The following DMD variants were observed in gnomAD, a reference collection of about 807,000 sequenced individuals.
The protein encoded by DMD is dystrophin.
DMD carries 63 observed loss-of-function variants against 330.1 expected under a neutral mutation model. The ratio of observed to expected loss-of-function variants is 0.19; its 90% CI spans 0.16 to 0.24. The LOEUF is 0.24. DMD is among the 10% of genes least tolerant of loss of function. The probability of loss-of-function intolerance (pLI) is 1.00; values close to 1 mark genes in which losing one functional copy is unlikely to be tolerated. For synonymous variants in DMD, 1,223 were observed against 959.8 expected, an observed-to-expected ratio of 1.27 and a Z score of -5.07; for missense variants, 3,344 against 2,684.1, an observed-to-expected ratio of 1.25 and a Z score of -5.43.
intron 67 of DMD, among the ~76,000 whole-genome samples, chrX:31,193,904 G>A (rs2042632893): frequency 9.0e-6 from 1 of 111,523 alleles, no homozygotes; most frequent in Non-Finnish European, 1.9e-5. Flanking sequence ...ACGTCAGCCC[G>A]GCGTGGTGGC....
chrX:31,209,369 G>C, intron 65 of DMD, 129 bp downstream of exon 65: 1 of 666,196 alleles, frequency 1.5e-6, no homozygotes, highest in Non-Finnish European at 2.4e-6. Context: ...ATGCAAAAAT[G>C]ATTTATCACA....
chrX:32,892,559 A>T (rs1184739165), intron 2 of DMD, among the ~76,000 whole-genome samples: 3 of 110,465 alleles, frequency 2.7e-5, no homozygotes, highest in African/African-American at 9.9e-5. Context: ...ACACCCGGCT[A>T]ATTTTTTTTT....
intron 1 of DMD, among the ~76,000 whole-genome samples, chrX:33,071,422 TAAA>T (rs747432653): frequency 1.4e-5 from 1 of 71,093 alleles, no homozygotes. Flanking sequence ...CTGTCCTGAT[TAAA>T]AAAAAAAAAA....
intron 55 of DMD, among the ~76,000 whole-genome samples, chrX:31,588,158 A>T (rs868205127): frequency 4.5e-5 from 5 of 111,924 alleles, no homozygotes; most frequent in South Asian, 3.7e-4. Flanking sequence ...TAATGTTTTT[A>T]AAAAATTTCC....
At chrX:32,406,085 T>C (rs190075431) in intron 30 of DMD, among the ~76,000 whole-genome samples, 6 of 111,780 alleles carry the variant, frequency 5.4e-5, no homozygotes, top group African/African-American at 1.6e-4. Context: ...ATGCTTGTGA[T>C]TTTTGCACAT....
chrX:31,367,558 C>G (rs1484734589), intron 60 of DMD, among the ~76,000 whole-genome samples: 1 of 111,478 alleles, frequency 9.0e-6, no homozygotes, highest in Non-Finnish European at 1.9e-5. Flanking sequence ...ACCTACTATT[C>G]TTTGCTGATG....
intron 48 of DMD, among the ~76,000 whole-genome samples, chrX:31,862,352 G>A (rs1372763507): frequency 1.8e-5 from 2 of 109,966 alleles, no homozygotes; most frequent in Non-Finnish European, 3.8e-5. Flanking sequence ...AGGCTGGTCT[G>A]GAACTCCTGA....
chrX:32,724,380 T>C (rs1470872937), intron 7 of DMD, among the ~76,000 whole-genome samples: 1 of 111,783 alleles, frequency 8.9e-6, no homozygotes, highest in Non-Finnish European at 1.9e-5. Flanking sequence ...TGAGGAACTA[T>C]GCAAATCTAG....
chrX:31,178,111 G>A, intron 70 of DMD, 141 bp from the exon 71 acceptor site: 2 of 1,094,859 alleles, frequency 1.8e-6, no homozygotes, highest in East Asian at 6.6e-5. Flanking sequence ...GGTGTAAAGT[G>A]AATTAAAAGA....
intron 63 of DMD, among the ~76,000 whole-genome samples, chrX:31,258,193 A>C: frequency 8.9e-6 from 1 of 112,483 alleles, no homozygotes; most frequent in Non-Finnish European, 1.9e-5. Flanking sequence ...TACTAACAGA[A>C]AACTGAGGAC....
rs371268295 is a variant in DMD, at chrX:32,881,945, C to A, written c.94-32125G>T. 1.3e-4 allele frequency among the ~76,000 whole-genome samples: 15 copies of A among 112,341 alleles called. No homozygotes were observed. In the East Asian group the frequency reaches 3.9e-3, roughly 30 times the overall value. On this transcript the variant is annotated intron_variant, in intron 2 of 78. Coordinates refer to ENST00000357033, the MANE Select transcript of DMD (RefSeq NM_004006.3). ...CTGGAGGAGGGACAAAGGATTTACT[C>A]ATTCACACTAGCTTCCCATGCACTT...
intron 45 of DMD, among the ~76,000 whole-genome samples, chrX:31,952,029 A>G (rs929046952): frequency 1.8e-5 from 2 of 111,290 alleles, no homozygotes; most frequent in Non-Finnish European, 3.8e-5. Flanking sequence ...ATGTCATTTC[A>G]ATACCTCTGG....
chrX:32,442,257 T>C (rs1037498194), intron 27 of DMD, among the ~76,000 whole-genome samples: 1 of 109,912 alleles, frequency 9.1e-6, no homozygotes, highest in Non-Finnish European at 1.9e-5. Context: ...AGACTCAAAA[T>C]AGAAGAAAAC....
intron 61 of DMD, 32 bp from the exon 62 acceptor site, chrX:31,323,690 AG>A: frequency 8.7e-7 from 1 of 1,150,121 alleles, no homozygotes; most frequent in African/African-American, 1.8e-5. Context: ...AAGAAAGGCA[AG>A]GAGGTCAAAT....
At chrX:32,421,385 A>G (rs758993230) in intron 29 of DMD, among the ~76,000 whole-genome samples, 39 of 111,991 alleles carry the variant, frequency 3.5e-4, no homozygotes, top group African/African-American at 1.2e-3. Context: ...TGGCTCTGAT[A>G]TGATTCATTT....
intron 7 of DMD, among the ~76,000 whole-genome samples, chrX:32,780,937 AAAAAAATAAAAAAAAAT>A (rs1413434222): frequency 1.9e-5 from 2 of 106,870 alleles, no homozygotes; most frequent in Non-Finnish European, 3.8e-5. Flanking sequence ...TAAAAATAAA[AAAAAAATAAAAAAAAAT>A]AAAAAATAAA....
rs188385818 is a variant in DMD at position 31,483,237 on chromosome X, G to C, written c.8548-4134C>G. Among the ~76,000 whole-genome samples, 6 of 108,047 alleles carry C rather than the reference G, an allele frequency of 5.6e-5. No individual in the cohort carries two copies. In the South Asian group the frequency reaches 1.7e-3, roughly 30 times the overall value. The allele number at this position is 108,047 out of a possible 115,157, so 93.8% of individuals were successfully genotyped here. ...AATTTTTTGTATTTTTAGTAGAGAC[G>C]GGGTTTCACCGTGTTAGCCAGGATG... is the stretch of plus-strand genomic sequence containing the variant. On this transcript the variant is annotated intron_variant, in intron 57 of 78. Transcript: ENST00000357033.
In DMD at chrX:32,683,601, C is replaced by A. The variant is rs747280456; in HGVS notation, c.960+14269G>T. 3.3e-5 allele frequency among the ~76,000 whole-genome samples: 3 copies of A among 90,888 alleles called. No homozygotes were observed. In the East Asian group the frequency reaches 1.1e-3, roughly 33 times the overall value. 78.9% of individuals were successfully genotyped at this position (90,888 alleles called of 115,157 possible). On this transcript the variant is annotated intron_variant, in intron 9 of 78. Transcript: ENST00000357033. ...AGGTGGGAATCGAACAATGAGAACA[C>A]ATGGACACAGGAAGGGGAACATCAC... is the stretch of plus-strand genomic sequence containing the variant.
chrX:32,542,712 A>G, intron 17 of DMD, among the ~76,000 whole-genome samples: 1 of 112,441 alleles, frequency 8.9e-6, no homozygotes, highest in East Asian at 2.8e-4. Context: ...TTTAATCATT[A>G]CAATACTTTA....
Sources: allele counts gnomAD v4.1 joint callset (sites outside exome capture counted in the v4.1 genomes callset), GRCh38; gene constraint gnomAD v4.1.1; transcripts MANE v1.5; gene names NCBI Gene and HGNC (gene_info 2026-07-23, HGNC 2026-07-21).